GYPE: variants seen among roughly 807,000 people sequenced by gnomAD.
GYPE encodes glycophorin-E.
GYPE carries 8 observed loss-of-function variants against 11.6 expected under a neutral mutation model. That is an observed-to-expected ratio of 0.69 (90% CI 0.41 to 1.25). GYPE has a LOEUF of 1.25. Among genes scored for constraint, GYPE ranks in the 50% most tolerant of loss-of-function variants. The pLI, the probability that GYPE is intolerant of heterozygous loss-of-function variation, is 0.01. For synonymous variants in GYPE, 28 were observed against 29.6 expected (o/e 0.94, Z 0.18); for missense variants, 90 against 92.8 (o/e 0.97, Z 0.12).
In GYPE at chr4:143,882,581, C is replaced by T. The variant is rs557208026; in HGVS notation, c.38-2072G>A. On this transcript the variant is annotated intron_variant, in intron 1 of 3. Coordinates refer to ENST00000358615, the MANE Select transcript of GYPE (RefSeq NM_198682.3). Reference sequence around the variant, plus strand: ...AATCAAAAGTGTTAATGGCCAGAAGCCTTAAATGGGCATGTAACAATAAAC... The same window carrying T: ...AATCAAAAGTGTTAATGGCCAGAAGTCTTAAATGGGCATGTAACAATAAAC... Among the ~76,000 whole-genome samples, 7 of 152,246 alleles carry T rather than the reference C, an allele frequency of 4.6e-5. No homozygotes were observed. The East Asian group carries it at 1.4e-3, about 29-fold the overall frequency.
rs1273452626 is a variant in GYPE at position 143,883,832 on chromosome 4, AAAAC to A, written c.38-3327_38-3324del. Among the ~76,000 whole-genome samples, 17 of 152,082 alleles carry A rather than the reference AAAAC, an allele frequency of 1.1e-4. No homozygotes were observed. In the South Asian group the frequency reaches 3.1e-3, roughly 28 times the overall value. On this transcript the variant is annotated intron_variant, in intron 1 of 3. Transcript: ENST00000358615. ...CATACTTTTGCTAACATAAGAAAAA[AAAAC>A]AAAAAGTAAAAAATAAAAATACACA...
chr4:143,888,422 T>C lies in GYPE; in HGVS notation c.38-7913A>G, dbSNP rs201804608. The stretch of plus-strand genomic sequence containing the variant: ...GCCTTATCTTGCATAAGCAAACTCT[T>C]ACAAGGACACACCCTTCATATGAAA... On this transcript the variant is annotated intron_variant, in intron 1 of 3. Coordinates refer to ENST00000358615, the MANE Select transcript of GYPE (RefSeq NM_198682.3). Among the ~76,000 whole-genome samples the C allele has an allele frequency of 6.6e-3, 471 of 70,864 alleles. 13 individuals are homozygous for C. The highest frequency in any genetic ancestry group is 0.017 in the African/African-American group (428 of 25,828). The allele number at this position is 70,864 out of a possible 152,430, so 46.5% of individuals were successfully genotyped here.
intron 1 of GYPE, among the ~76,000 whole-genome samples, chr4:143,902,097 G>A (rs1266304386): frequency 6.6e-6 from 1 of 152,080 alleles, no homozygotes; most frequent in Admixed American, 6.6e-5. Context: ...GCCCACGGGT[G>A]TTAAATGATT....
At chr4:143,900,475 T>G (rs1329788105) in intron 1 of GYPE, among the ~76,000 whole-genome samples, 2 of 132,858 alleles carry the variant, frequency 1.5e-5, no homozygotes, top group Non-Finnish European at 3.2e-5. Flanking sequence ...CAAACAAAAC[T>G]AGTACAGGAA....
chr4:143,873,480 A>T (rs367917124), intron 3 of GYPE: 161 of 455,688 alleles, frequency 3.5e-4, no homozygotes, highest in South Asian at 2.5e-3. Context: ...CACAACCTAC[A>T]AGAGAGAAGA....
intron 1 of GYPE, among the ~76,000 whole-genome samples, chr4:143,881,325 C>G (rs1170247962): frequency 6.6e-6 from 1 of 151,904 alleles, no homozygotes; most frequent in East Asian, 1.9e-4. Flanking sequence ...CAATACATTT[C>G]AAATTTATAA....
At chr4:143,895,811 A>C (rs1461133760) in intron 1 of GYPE, among the ~76,000 whole-genome samples, 1 of 152,010 alleles carries the variant, frequency 6.6e-6, no homozygotes, top group Non-Finnish European at 1.5e-5. Flanking sequence ...AAACAGAGAT[A>C]TAGATCAATG....
Position 143,882,901 on chromosome 4 carries a change from G to A in GYPE, c.38-2392C>T, listed in dbSNP as rs924804680. Reference sequence around the variant, plus strand: ...TGAATTTTCTCAGCATGAGAATAGTGCTTTATTCATAAAAGATGTTAAATG... The same window carrying A: ...TGAATTTTCTCAGCATGAGAATAGTACTTTATTCATAAAAGATGTTAAATG... On this transcript the variant is annotated intron_variant, in intron 1 of 3. Coordinates refer to ENST00000358615, the MANE Select transcript of GYPE (RefSeq NM_198682.3). 1.9e-4 allele frequency among the ~76,000 whole-genome samples: 29 copies of A among 152,164 alleles called. 2 individuals are homozygous for A. Among genetic ancestry groups the A allele is most frequent in the Non-Finnish European group, 2.9e-5 (2 of 68,022 alleles).
chr4:143,904,233 A>G (rs1266216815), intron 1 of GYPE, among the ~76,000 whole-genome samples: 1 of 152,014 alleles, frequency 6.6e-6, no homozygotes, highest in Non-Finnish European at 1.5e-5. Flanking sequence ...TTTTAATAAT[A>G]TATTATTAAT....
At chr4:143,883,390 G>A (rs894992663) in intron 1 of GYPE, among the ~76,000 whole-genome samples, 3 of 151,384 alleles carry the variant, frequency 2.0e-5, no homozygotes, top group Admixed American at 6.6e-5. Context: ...CCCAGTCTCA[G>A]TTATTTCTAT....
chr4:143,898,396 C>T (rs923023488), intron 1 of GYPE, among the ~76,000 whole-genome samples: 5 of 152,014 alleles, frequency 3.3e-5, no homozygotes, highest in African/African-American at 1.2e-4. Context: ...TCAATAAATA[C>T]ATATAAAACC....
intron 3 of GYPE, chr4:143,875,317 A>C: frequency 1.4e-6 from 1 of 720,954 alleles, no homozygotes; most frequent in Non-Finnish European, 2.3e-6. Context: ...CATGCAAATA[A>C]TTTGTATTTT....
intron 1 of GYPE, among the ~76,000 whole-genome samples, chr4:143,892,914 A>G (rs1347709437): frequency 6.6e-6 from 1 of 150,722 alleles, no homozygotes; most frequent in East Asian, 1.9e-4. Flanking sequence ...GTGGGGTGTT[A>G]AAGTCTCCCA....
chr4:143,900,922 T>G (rs1407953096), intron 1 of GYPE, among the ~76,000 whole-genome samples: 3 of 152,146 alleles, frequency 2.0e-5, no homozygotes, highest in Non-Finnish European at 4.4e-5. Flanking sequence ...GTGCATCATT[T>G]TGAATGCATT....
chr4:143,901,838 C>T (rs978244953), intron 1 of GYPE, among the ~76,000 whole-genome samples: 36 of 151,964 alleles, frequency 2.4e-4, no homozygotes, highest in Admixed American at 6.6e-5. Context: ...AAAATCACTA[C>T]GAAGTAAGTT....
intron 1 of GYPE, among the ~76,000 whole-genome samples, chr4:143,902,660 C>T (rs1440012878): frequency 6.6e-6 from 1 of 151,782 alleles, no homozygotes; most frequent in Non-Finnish European, 1.5e-5. Context: ...CCTCCCTTCA[C>T]CTCCTTCCTT....
rs908561644 is a variant in GYPE at position 143,872,057 on chromosome 4, C to T, written c.*205G>A. The stretch of plus-strand genomic sequence containing the variant: ...TTTAATCCTCATGTCATGGTAAGGC[C>T]CTCTGAAATTCTCTCTACGCCTTTG... On this transcript the variant is annotated 3_prime_UTR_variant, in exon 4 of 4. Coordinates refer to ENST00000358615, the MANE Select transcript of GYPE (RefSeq NM_198682.3). 6 of 152,228 alleles carry T rather than the reference C, an allele frequency of 3.9e-5. No individual in the cohort carries two copies. Among genetic ancestry groups the T allele is most frequent in the African/African-American group, 1.5e-4 (6 of 41,348 alleles). 9.4% of individuals were successfully genotyped at this position (152,228 alleles called of 1,614,324 possible).
intron 1 of GYPE, among the ~76,000 whole-genome samples, chr4:143,895,116 C>T (rs1371218787): frequency 6.6e-6 from 1 of 152,148 alleles, no homozygotes; most frequent in Non-Finnish European, 1.5e-5. Flanking sequence ...TGCCCTCTCT[C>T]ACCACTCCTA....
intron 1 of GYPE, among the ~76,000 whole-genome samples, chr4:143,894,099 C>T (rs1486322180): frequency 2.6e-5 from 4 of 152,164 alleles, no homozygotes; most frequent in Non-Finnish European, 5.9e-5. Flanking sequence ...CAGTTGATCA[C>T]ATTGGCTCCT....
Sources: gnomAD v4.1 joint callset for allele counts (sites outside exome capture counted in the v4.1 genomes callset) on GRCh38, gnomAD v4.1.1 for gene constraint, MANE v1.5 for transcripts, NCBI Gene and HGNC (gene_info 2026-07-23, HGNC 2026-07-21) for gene names.